UBE3D: variants seen among roughly 807,000 people sequenced by gnomAD.
UBE3D encodes ubiquitin protein ligase E3D.
Under a neutral mutation model 49.6 loss-of-function variants are expected in UBE3D, and 48 were observed. The observed-to-expected ratio is 0.97, with a 90% CI of 0.77 to 1.23. The LOEUF is 1.23. Ranked by LOEUF, UBE3D falls within the 50% of genes most tolerant of loss-of-function variation. The pLI, the probability that UBE3D is intolerant of heterozygous loss-of-function variation, is 0.00. For missense variants in UBE3D, 452 were observed against 468.4 expected (o/e 0.96, Z 0.32); for synonymous variants, 189 against 174.2 (o/e 1.08, Z -0.67).
At chr6:82,907,347 CTA>C (rs1554182589) in intron 9 of UBE3D, among the ~76,000 whole-genome samples, 2 of 152,158 alleles carry the variant, frequency 1.3e-5, no homozygotes, top group Non-Finnish European at 2.9e-5. Context: ...AAAATACTCT[CTA>C]AACTCACAGG....
chr6:82,955,417 G>T (rs1033659800), intron 9 of UBE3D, among the ~76,000 whole-genome samples: 1 of 152,102 alleles, frequency 6.6e-6, no homozygotes, highest in South Asian at 2.1e-4. Flanking sequence ...CCCATGGCAT[G>T]CAAATTTCAA....
At chr6:82,885,518 T>A in the UBE3D span, among the ~76,000 whole-genome samples, 2 of 152,056 alleles carry the variant, frequency 1.3e-5, no homozygotes, top group Admixed American at 1.3e-4. Flanking sequence ...ACAAATGCTA[T>A]TTTTTTACCC....
chr6:82,937,414 CA>C (rs1774662998), intron 9 of UBE3D, among the ~76,000 whole-genome samples: 1 of 152,148 alleles, frequency 6.6e-6, no homozygotes, highest in Non-Finnish European at 1.5e-5. Context: ...GAAGCAAGCT[CA>C]GTTATTTCAA....
downstream of UBE3D, among the ~76,000 whole-genome samples, chr6:82,888,487 A>G (rs940819157): frequency 1.3e-5 from 2 of 152,170 alleles, no homozygotes; most frequent in Admixed American, 6.5e-5. Flanking sequence ...TTATAGAAAG[A>G]AAGTAATCAG....
At chr6:82,936,038 G>A (rs935922898) in intron 9 of UBE3D, among the ~76,000 whole-genome samples, 3 of 151,966 alleles carry the variant, frequency 2.0e-5, no homozygotes, top group African/African-American at 7.3e-5. Flanking sequence ...TAATAGTAAT[G>A]GGGAAATGTG....
At chr6:82,992,254 G>A (rs376970076) in intron 8 of UBE3D, among the ~76,000 whole-genome samples, 3 of 123,988 alleles carry the variant, frequency 2.4e-5, no homozygotes, top group East Asian at 2.3e-4. Flanking sequence ...ATGGAGTCTC[G>A]CTCTGTTGCC....
chr6:82,945,986 G>C (rs1775373445), intron 9 of UBE3D, among the ~76,000 whole-genome samples: 2 of 151,964 alleles, frequency 1.3e-5, no homozygotes, highest in Non-Finnish European at 2.9e-5. Flanking sequence ...AATAATGAAA[G>C]AATGAAGCAT....
intron 2 of UBE3D, among the ~76,000 whole-genome samples, chr6:83,055,389 G>A (rs1295300989): frequency 1.3e-5 from 2 of 152,158 alleles, no homozygotes; most frequent in Admixed American, 1.3e-4. Flanking sequence ...TTTACGCCTT[G>A]GCAATTAAAA....
intron 4 of UBE3D, among the ~76,000 whole-genome samples, chr6:83,039,266 A>G (rs964376784): frequency 6.6e-5 from 10 of 152,200 alleles, no homozygotes; most frequent in African/African-American, 2.4e-4. Context: ...AACTCTGGAT[A>G]CTCCAGGGTA....
chr6:82,920,800 G>A (rs766190194), intron 9 of UBE3D, among the ~76,000 whole-genome samples: 2 of 151,534 alleles, frequency 1.3e-5, no homozygotes, highest in African/African-American at 4.9e-5. Flanking sequence ...AAGTTACCAC[G>A]TAAGATTTAC....
chr6:82,901,256 G>T (rs143163009), intron 9 of UBE3D, among the ~76,000 whole-genome samples: 1,557 of 149,458 alleles, frequency 0.01, 23 homozygotes, highest in African/African-American at 0.036. Context: ...CTACACATCT[G>T]CATCACTTAA....
intron 8 of UBE3D, among the ~76,000 whole-genome samples, chr6:83,004,967 A>G (rs1216926855): frequency 6.6e-6 from 1 of 152,222 alleles, no homozygotes; most frequent in Non-Finnish European, 1.5e-5. Context: ...CACAGGCAAC[A>G]AAAGCAAAAA....
chr6:82,971,575 G>A (rs1777353729), intron 8 of UBE3D, among the ~76,000 whole-genome samples: 1 of 152,018 alleles, frequency 6.6e-6, no homozygotes, highest in Non-Finnish European at 1.5e-5. Flanking sequence ...TACAAAGCAA[G>A]GATTAAAGAT....
intron 5 of UBE3D, among the ~76,000 whole-genome samples, chr6:83,025,796 T>G (rs1242876924): frequency 6.7e-6 from 1 of 148,682 alleles, no homozygotes; most frequent in Non-Finnish European, 1.5e-5. Context: ...GGCAGGATAA[T>G]TGCTTGAAAC....
At chr6:83,024,680 CAGTG>C (rs1781332313) in intron 5 of UBE3D, among the ~76,000 whole-genome samples, 1 of 152,088 alleles carries the variant, frequency 6.6e-6, no homozygotes, top group Non-Finnish European at 1.5e-5. Flanking sequence ...TGGAAGGCCA[CAGTG>C]ATGTTTTGGG....
intron 5 of UBE3D, among the ~76,000 whole-genome samples, chr6:83,029,025 T>C (rs6929008): frequency 0.031 from 4,745 of 152,266 alleles, 109 homozygotes; most frequent in Admixed American, 0.064. Flanking sequence ...TGTTTTTCTC[T>C]TTTTACTTTA....
chr6:82,999,803 T>C (rs905652337), intron 8 of UBE3D, among the ~76,000 whole-genome samples: 1 of 152,172 alleles, frequency 6.6e-6, no homozygotes, highest in African/African-American at 2.4e-5. Context: ...GAAACAGTGG[T>C]CCACACTTAC....
At chr6:82,928,065 A>G (rs930251691) in intron 9 of UBE3D, among the ~76,000 whole-genome samples, 6 of 152,100 alleles carry the variant, frequency 3.9e-5, no homozygotes, top group African/African-American at 1.2e-4. Context: ...GAATGTGTCA[A>G]TGTAGGTTCA....
intron 7 of UBE3D, among the ~76,000 whole-genome samples, chr6:83,019,349 C>T (rs1332717432): frequency 1.3e-5 from 2 of 149,472 alleles, no homozygotes; most frequent in African/African-American, 4.9e-5. Flanking sequence ...ACAACTGACT[C>T]GGAGAAAATA....
Sources: allele counts gnomAD v4.1 joint callset (sites outside exome capture counted in the v4.1 genomes callset), GRCh38; gene constraint gnomAD v4.1.1; transcripts MANE v1.5; gene names NCBI Gene and HGNC (gene_info 2026-07-23, HGNC 2026-07-21).